Variants in SAMD12 observed in about 807,000 individuals in gnomAD.
The protein encoded by SAMD12 is sterile alpha motif domain-containing protein 12.
In SAMD12, 9 loss-of-function variants were observed where a neutral mutation model predicts 15.0. The ratio of observed to expected loss-of-function variants is 0.60; its 90% CI spans 0.36 to 1.05. SAMD12 has a LOEUF of 1.05. Ranked by LOEUF, SAMD12 falls within the 50% of genes least tolerant of loss-of-function variation. The probability of loss-of-function intolerance (pLI) is 0.01; values close to 1 mark genes in which losing one functional copy is unlikely to be tolerated. For missense variants in SAMD12, 230 were observed against 234.2 expected, an observed-to-expected ratio of 0.98 and a Z score of 0.12; for synonymous variants, 86 against 90.1, an observed-to-expected ratio of 0.96 and a Z score of 0.25.
intron 2 of SAMD12, among the ~76,000 whole-genome samples, chr8:118,488,925 A>G (rs991425047): frequency 1.3e-5 from 2 of 151,896 alleles, no homozygotes; most frequent in Middle Eastern, 3.4e-3. Flanking sequence ...AAACAAAAAC[A>G]AAAATCTTGT....
chr8:118,383,958 C>G (rs1458385309), intron 3 of SAMD12, among the ~76,000 whole-genome samples: 1 of 151,914 alleles, frequency 6.6e-6, no homozygotes, highest in Admixed American at 6.6e-5. Context: ...GATCTAGAGA[C>G]AGACATATGA....
At chr8:118,334,354 C>T (rs1816953616) in intron 4 of SAMD12, among the ~76,000 whole-genome samples, 1 of 151,932 alleles carries the variant, frequency 6.6e-6, no homozygotes. Flanking sequence ...AAGATAAAAC[C>T]CAGCTCTTTG....
chr8:118,518,517 A>G (rs1016705071), intron 2 of SAMD12, among the ~76,000 whole-genome samples: 18 of 152,204 alleles, frequency 1.2e-4, no homozygotes, highest in African/African-American at 4.3e-4. Context: ...AAAATTACAG[A>G]GATTGTTATT....
chr8:118,508,917 G>A lies in SAMD12; in HGVS notation c.193-68956C>T, dbSNP rs952664457. Among the ~76,000 whole-genome samples the A allele has an allele frequency of 2.3e-5, 3 of 129,590 alleles. No individual in the cohort carries two copies. The Admixed American group carries it at 2.5e-4, about 11-fold the overall frequency. The allele number at this position is 129,590 out of a possible 152,430, so 85.0% of individuals were successfully genotyped here. Reference sequence around the variant, plus strand: ...AATGTTACAACATGATTGAGAGTCTGGTATCATACTGAAGTGATGGGTCAA... The same window carrying A: ...AATGTTACAACATGATTGAGAGTCTAGTATCATACTGAAGTGATGGGTCAA... On this transcript the variant is annotated intron_variant, in intron 2 of 3. Transcript: ENST00000314727.
intron 1 of SAMD12, among the ~76,000 whole-genome samples, chr8:118,604,313 T>C (rs935236300): frequency 3.3e-5 from 5 of 152,216 alleles, no homozygotes; most frequent in Admixed American, 3.3e-4. Flanking sequence ...AATTTATATA[T>C]AACGTTTGTA....
chr8:118,297,482 T>C (rs1586463328), intron 4 of SAMD12, among the ~76,000 whole-genome samples: 1 of 152,338 alleles, frequency 6.6e-6, no homozygotes, highest in South Asian at 2.1e-4. Context: ...GCAGCATACA[T>C]TGGATAAACA....
At chr8:118,370,858 G>T (rs543131945) in intron 4 of SAMD12, among the ~76,000 whole-genome samples, 1 of 152,230 alleles carries the variant, frequency 6.6e-6, no homozygotes, top group African/African-American at 2.4e-5. Context: ...TAAGTGATGG[G>T]TTGATAGGTG....
chr8:118,219,161 G>A (rs747503419), intron 4 of SAMD12, among the ~76,000 whole-genome samples: 2 of 152,130 alleles, frequency 1.3e-5, no homozygotes, highest in Non-Finnish European at 2.9e-5. Context: ...GTAGGCATCT[G>A]TGTTGCCCAT....
At chr8:118,266,961 A>T (rs1007789452) in intron 4 of SAMD12, among the ~76,000 whole-genome samples, 1 of 152,134 alleles carries the variant, frequency 6.6e-6, no homozygotes, top group Non-Finnish European at 1.5e-5. Context: ...CATCCTTGGG[A>T]ATTGCTAAGA....
At chr8:118,182,048 C>T in the SAMD12 span, among the ~76,000 whole-genome samples, 1 of 152,160 alleles carries the variant, frequency 6.6e-6, no homozygotes, top group African/African-American at 2.4e-5. Flanking sequence ...CCGCAGTAGT[C>T]TCTGTCATTT....
intron 4 of SAMD12, among the ~76,000 whole-genome samples, chr8:118,253,663 C>T (rs1429366460): frequency 6.6e-6 from 1 of 152,066 alleles, no homozygotes; most frequent in Non-Finnish European, 1.5e-5. Flanking sequence ...GTGCTCAGCA[C>T]GATCTCTGAA....
intron 2 of SAMD12, among the ~76,000 whole-genome samples, chr8:118,466,908 C>G (rs1480727968): frequency 6.6e-6 from 1 of 152,210 alleles, no homozygotes; most frequent in Non-Finnish European, 1.5e-5. Context: ...TTTTCACTTG[C>G]TTTGCTGATC....
At chr8:118,412,810 T>A (rs892403981) in intron 3 of SAMD12, among the ~76,000 whole-genome samples, 1 of 152,072 alleles carries the variant, frequency 6.6e-6, no homozygotes, top group Admixed American at 6.6e-5. Flanking sequence ...AGCTACTAAG[T>A]TTTGGAGCAT....
At position 118,554,572 on chromosome 8, in the gene SAMD12, T is replaced by C. The variant is rs567058204; in HGVS notation, c.192+26143A>G. On this transcript the variant is annotated intron_variant, in intron 2 of 3. Transcript: ENST00000314727. Reference sequence around the variant, plus strand: ...GGATAGCATTGGGAAATATACCTAATGCTAGATGACGAGTTACTGGGTGCA... The same window carrying C: ...GGATAGCATTGGGAAATATACCTAACGCTAGATGACGAGTTACTGGGTGCA... Among the ~76,000 whole-genome samples the C allele has an allele frequency of 4.6e-5, 7 of 151,928 alleles. No individual in the cohort carries two copies. The East Asian group carries it at 1.4e-3, about 29-fold the overall frequency.
Position 118,379,156 on chromosome 8 carries a change from G to A in SAMD12, c.*261C>T, listed in dbSNP as rs568068793. 48 of 1,207,726 alleles carry A rather than the reference G, an allele frequency of 4.0e-5. No homozygotes were observed. The highest frequency in any genetic ancestry group is 1.0e-4 in the East Asian group (3 of 29,020). The allele number at this position is 1,207,726 out of a possible 1,614,324, so 74.8% of individuals were successfully genotyped here. On this transcript the variant is annotated 3_prime_UTR_variant, in exon 4 of 4. Transcript: ENST00000314727. ...TATTGAATCACTCAAATGCTAAAGC[G>A]CCCTCACAATTGGCGCAGGTGAAGA...
chr8:118,403,299 A>AG (rs1470194944), intron 3 of SAMD12, among the ~76,000 whole-genome samples: 1 of 152,158 alleles, frequency 6.6e-6, no homozygotes, highest in Non-Finnish European at 1.5e-5. Flanking sequence ...CTCAGTGAAA[A>AG]GGGGGAATAA....
chr8:118,529,538 C>G (rs1200585838), intron 2 of SAMD12, among the ~76,000 whole-genome samples: 1 of 152,112 alleles, frequency 6.6e-6, no homozygotes, highest in East Asian at 1.9e-4. Flanking sequence ...CATTCCTCAT[C>G]CCCCTTCTAC....
intron 4 of SAMD12, among the ~76,000 whole-genome samples, chr8:118,325,972 C>A (rs1454203262): frequency 3.3e-5 from 5 of 152,190 alleles, no homozygotes; most frequent in Non-Finnish European, 5.9e-5. Context: ...TGCCAGCGCT[C>A]TGCTGAGCAT....
intron 4 of SAMD12, among the ~76,000 whole-genome samples, chr8:118,269,236 G>GC (rs1250411697): frequency 1.5e-4 from 23 of 150,680 alleles, no homozygotes; most frequent in African/African-American, 5.1e-4. Flanking sequence ...GTGTGTGTGT[G>GC]TGTGTGTGTG....
Sources: allele counts gnomAD v4.1 joint callset (sites outside exome capture counted in the v4.1 genomes callset), GRCh38; gene constraint gnomAD v4.1.1; transcripts MANE v1.5; gene names NCBI Gene and HGNC (gene_info 2026-07-23, HGNC 2026-07-21).